RUFY1: variants seen among roughly 807,000 people sequenced by gnomAD.
RUFY1 encodes the protein RUN and FYVE domain containing 1.
RUFY1 carries 54 observed loss-of-function variants against 94.6 expected under a neutral mutation model. The observed-to-expected ratio is 0.57, with a 90% CI of 0.46 to 0.72. The LOEUF (loss-of-function observed/expected upper bound fraction) is 0.72, where lower values mean the gene tolerates loss of function less well. Among genes scored for constraint, RUFY1 ranks in the 30% least tolerant of loss-of-function variants. RUFY1 has a pLI of 0.00. For synonymous variants in RUFY1, 396 were observed against 347.3 expected, an observed-to-expected ratio of 1.14 and a Z score of -1.56; for missense variants, 883 against 883.9, an observed-to-expected ratio of 1.00 and a Z score of 0.01.
At chr5:179,578,535 C>T (rs528325161) in intron 6 of RUFY1, among the ~76,000 whole-genome samples, 97 of 150,588 alleles carry the variant, frequency 6.4e-4, no homozygotes, top group African/African-American at 2.1e-3. Context: ...CTTTTTATGC[C>T]ATTATGAAGC....
chr5:179,591,724 G>A lies in RUFY1; in HGVS notation c.1228G>A (p.Glu410Lys). The A allele has an allele frequency of 1.2e-6, 2 of 1,607,070 alleles. No homozygotes were observed. Among genetic ancestry groups the A allele is most frequent in the Admixed American group, 1.7e-5 (1 of 58,288 alleles). Residue 410 changes from glutamate (E) to lysine (K), a missense_variant, in exon 10 of 18, where the codon GAG becomes AAG. By Grantham distance (56) the Glu-to-Lys change is moderately conservative (BLOSUM62 1). Transcript: ENST00000319449. Reference protein sequence around the residue: ...YSDVWKQLKEEKKVRLELEKE... With the variant: ...YSDVWKQLKEKKKVRLELEKE... Reference sequence around the variant, plus strand: ...TGATGTGTGGAAGCAGCTAAAAGAGGAGAAGAAAGTCCGGTTGGTGAGTGT... The same window carrying A: ...TGATGTGTGGAAGCAGCTAAAAGAGAAGAAGAAAGTCCGGTTGGTGAGTGT...
At chr5:179,600,531 A>G (rs137860843) in intron 14 of RUFY1, among the ~76,000 whole-genome samples, 13 of 152,142 alleles carry the variant, frequency 8.5e-5, no homozygotes, top group Non-Finnish European at 1.9e-4. Context: ...ACAGGAAACC[A>G]CCTTTCAAAC....
chr5:179,605,308 T>G (rs1480780145), intron 15 of RUFY1, among the ~76,000 whole-genome samples: 2 of 151,904 alleles, frequency 1.3e-5, no homozygotes, highest in African/African-American at 2.4e-5. Flanking sequence ...TCAGACTGTT[T>G]CCCTCAATTG....
intron 5 of RUFY1, among the ~76,000 whole-genome samples, chr5:179,576,713 G>A (rs563320264): frequency 3.9e-5 from 6 of 152,254 alleles, no homozygotes; most frequent in South Asian, 2.1e-4. Flanking sequence ...GAGCCACCAC[G>A]CCTGGCCAGG....
At position 179,607,772 on chromosome 5, in the gene RUFY1, G is replaced by A. The variant is rs1019115632; in HGVS notation, c.1983+113G>A. The A allele has an allele frequency of 2.0e-5, 17 of 869,768 alleles. No individual in the cohort carries two copies. In the African/African-American group the frequency reaches 2.3e-4, roughly 12 times the overall value. The allele number at this position is 869,768 out of a possible 1,614,324, so 53.9% of individuals were successfully genotyped here. A position where few individuals can be genotyped will look rare whatever the true frequency, so the allele number is the denominator to read the frequency against. On this transcript the variant is annotated intron_variant, in intron 17 of 17. Coordinates refer to ENST00000319449, the MANE Select transcript of RUFY1 (RefSeq NM_025158.5). ...AGCAGGCTCACTGCCCGGTGACTGTGCTGACTGTGGCAGATGGGCAGCCCC... is the reference window on the plus strand; with the variant it reads ...AGCAGGCTCACTGCCCGGTGACTGTACTGACTGTGGCAGATGGGCAGCCCC...
intron 17 of RUFY1, among the ~76,000 whole-genome samples, chr5:179,609,048 T>C (rs1201548292): frequency 1.3e-5 from 2 of 151,184 alleles, no homozygotes; most frequent in African/African-American, 4.9e-5. Flanking sequence ...TGAAACCCCG[T>C]CTCTACTAAA....
chr5:179,560,216 T>A lies in RUFY1; in HGVS notation c.484+18T>A. ...GCTGAAAGGTGAGCCTGAGGGGGCG[T>A]TTGGGAGCGTGGAAGTTCGGGCTGG... is the stretch of plus-strand genomic sequence containing the variant. On this transcript the variant is annotated intron_variant, in intron 2 of 17. Coordinates refer to ENST00000319449, the MANE Select transcript of RUFY1 (RefSeq NM_025158.5). The A allele has an allele frequency of 6.2e-7, 1 of 1,607,358 alleles. No individual in the cohort carries two copies. The highest frequency in any genetic ancestry group is 8.5e-7 in the Non-Finnish European group (1 of 1,175,226).
intron 14 of RUFY1, among the ~76,000 whole-genome samples, chr5:179,601,602 C>T (rs1398138251): frequency 6.0e-5 from 9 of 150,588 alleles, no homozygotes; most frequent in Non-Finnish European, 8.9e-5. Flanking sequence ...GGGCAGATCA[C>T]GAGGTCAGGA....
At position 179,609,611 on chromosome 5, in the gene RUFY1, A is replaced by G. The variant is rs1378608224; in HGVS notation, c.*92A>G. On this transcript the variant is annotated 3_prime_UTR_variant, in exon 18 of 18. Transcript: ENST00000319449. ...AAATGTGTTCTTTCCCAAGAGTATC[A>G]AAGGAAAGAATCAAATTTCTTGCCC... The G allele has an allele frequency of 2.4e-6, 3 of 1,252,202 alleles. No individual in the cohort carries two copies. The highest frequency in any genetic ancestry group is 3.2e-6 in the Non-Finnish European group (3 of 937,362). The allele number at this position is 1,252,202 out of a possible 1,614,324, so 77.6% of individuals were successfully genotyped here.
intron 5 of RUFY1, among the ~76,000 whole-genome samples, chr5:179,573,273 T>A (rs1030160611): frequency 2.5e-4 from 38 of 152,192 alleles, no homozygotes; most frequent in African/African-American, 8.7e-4. Context: ...TTTTGTCAAA[T>A]TCCAGAATAA....
intron 5 of RUFY1, among the ~76,000 whole-genome samples, chr5:179,575,472 A>G (rs1023886498): frequency 5.9e-5 from 9 of 152,174 alleles, no homozygotes; most frequent in African/African-American, 1.9e-4. Flanking sequence ...TTTTACATGA[A>G]AGCTCAGAAC....
At chr5:179,561,960 A>G (rs1762492503) in intron 2 of RUFY1, among the ~76,000 whole-genome samples, 1 of 150,548 alleles carries the variant, frequency 6.6e-6, no homozygotes, top group Non-Finnish European at 1.5e-5. Flanking sequence ...CTGGGATTAC[A>G]GGTGTGAGCC....
Position 179,580,995 on chromosome 5 carries a change from A to T in RUFY1, c.939A>T (p.Glu313Asp). 3.7e-6 allele frequency: 6 copies of T among 1,607,724 alleles called. No individual in the cohort carries two copies. Among genetic ancestry groups the T allele is most frequent in the Non-Finnish European group, 5.1e-6 (6 of 1,175,684 alleles). ...TTGATCAAAAAAATTATGTGGAAGAACTTAACCGGCACTTGAGGTAAGACT... is the reference window on the plus strand; with the variant it reads ...TTGATCAAAAAAATTATGTGGAAGATCTTAACCGGCACTTGAGGTAAGACT... ...DVLDQKNYVE[E>D]LNRHLSCTVG... The change falls in exon 7 of 18, where the codon GAA (glutamate) becomes GAT (aspartate). Residue 313 changes from glutamate to aspartate, a missense_variant. Coordinates refer to ENST00000319449, the MANE Select transcript of RUFY1 (RefSeq NM_025158.5).
intron 5 of RUFY1, among the ~76,000 whole-genome samples, chr5:179,576,743 G>C (rs1187569384): frequency 6.6e-6 from 1 of 152,108 alleles, no homozygotes; most frequent in Non-Finnish European, 1.5e-5. Context: ...TAGAGATCCA[G>C]AACTTTTTAT....
chr5:179,598,615 TGGGC>T, intron 13 of RUFY1, 73 bp from the exon 14 acceptor site: 1 of 1,551,628 alleles, frequency 6.4e-7, no homozygotes, highest in Non-Finnish European at 8.9e-7. Flanking sequence ...CCCTGTTTCC[TGGGC>T]GGTGAATTGG....
intron 8 of RUFY1, among the ~76,000 whole-genome samples, chr5:179,587,473 G>C (rs1425354934): frequency 1.4e-5 from 2 of 144,342 alleles, no homozygotes; most frequent in Non-Finnish European, 3.0e-5. Context: ...AAGCTCCCAA[G>C]CTCCACCTCC....
rs1172057426 is a variant in RUFY1 at position 179,591,671 on chromosome 5, C to G, written c.1175C>G (p.Thr392Ser). 6.2e-7 allele frequency: 1 copy of G among 1,613,252 alleles called. No homozygotes were observed. The highest frequency in any genetic ancestry group is 8.5e-7 in the Non-Finnish European group (1 of 1,179,822). ...TKVELETYKQTRQGLDEMYSD... is the reference protein window; with the variant it reads ...TKVELETYKQSRQGLDEMYSD... Reference sequence around the variant, plus strand: ...GTTGAGCTGGAGACTTACAAGCAAACTCGGCAAGGTCTGGATGAAATGTAC... The same window carrying G: ...GTTGAGCTGGAGACTTACAAGCAAAGTCGGCAAGGTCTGGATGAAATGTAC... Residue 392 changes from threonine (T) to serine (S), a missense_variant, in exon 10 of 18, where the codon ACT (threonine) becomes AGT (serine). Coordinates refer to ENST00000319449, the MANE Select transcript of RUFY1 (RefSeq NM_025158.5).
chr5:179,569,805 C>T (rs552811624), intron 5 of RUFY1, among the ~76,000 whole-genome samples: 14 of 152,174 alleles, frequency 9.2e-5, no homozygotes, highest in Admixed American at 2.6e-4. Flanking sequence ...AGTGCAGTGG[C>T]GCGATCTCGG....
At chr5:179,608,598 GTGA>G (rs1352904628) in intron 17 of RUFY1, 2 of 985,414 alleles carry the variant, frequency 2.0e-6, no homozygotes, top group African/African-American at 3.5e-5. Flanking sequence ...CACTGGCTTA[GTGA>G]TGAAGTACAG....
Sources: gnomAD v4.1 joint callset for allele counts (sites outside exome capture counted in the v4.1 genomes callset) on GRCh38, gnomAD v4.1.1 for gene constraint, MANE v1.5 for transcripts, NCBI Gene and HGNC (gene_info 2026-07-23, HGNC 2026-07-21) for gene names.